SCGB2B2: variants seen among roughly 807,000 people sequenced by gnomAD.
The protein encoded by SCGB2B2 is secretoglobin family 2B member 2.
Under a neutral mutation model 7.6 loss-of-function variants are expected in SCGB2B2, and 11 were observed. The ratio of observed to expected loss-of-function variants is 1.45; its 90% CI spans 0.91 to 2.40. The LOEUF (loss-of-function observed/expected upper bound fraction) is 2.40. Ranked by LOEUF, SCGB2B2 falls within the 30% of genes most tolerant of loss-of-function variation. The pLI, the probability that SCGB2B2 is intolerant of heterozygous loss-of-function variation, is 0.00. For missense variants in SCGB2B2, 104 were observed against 115.4 expected (o/e 0.90, Z 0.45); for synonymous variants, 50 against 48.6 (o/e 1.03, Z -0.12).
chr19:34,612,495 C>CCAAT (rs2065959956), intron 1 of SCGB2B2, among the ~76,000 whole-genome samples: 1 of 152,042 alleles, frequency 6.6e-6, no homozygotes, highest in South Asian at 2.1e-4. Flanking sequence ...TACAAATAAC[C>CCAAT]CAATCATATT....
chr19:34,606,513 T>TTTC (rs146494492), intron 1 of SCGB2B2, among the ~76,000 whole-genome samples: 44,334 of 142,768 alleles, frequency 0.31, 7,352 homozygotes, highest in Middle Eastern at 0.45. Context: ...TTTCTTTTCT[T>TTTC]TTTCTTTTTT....
At chr19:34,626,423 G>A (rs1439906888) in intron 1 of SCGB2B2, among the ~76,000 whole-genome samples, 2 of 152,208 alleles carry the variant, frequency 1.3e-5, no homozygotes. Flanking sequence ...AGGACCTGAT[G>A]GAGCTGAAAA....
At chr19:34,666,304 CCA>C (rs1442447062) in intron 1 of SCGB2B2, among the ~76,000 whole-genome samples, 1 of 152,086 alleles carries the variant, frequency 6.6e-6, no homozygotes, top group African/African-American at 2.4e-5. Context: ...GACGCTTGTC[CCA>C]CACAGTCACA....
intron 1 of SCGB2B2, among the ~76,000 whole-genome samples, chr19:34,657,507 C>T (rs4281839): frequency 0.095 from 14,451 of 151,726 alleles, 883 homozygotes; most frequent in East Asian, 0.22. Context: ...ACAAAGAAGG[C>T]CACTACATAA....
chr19:34,652,587 C>A (rs911610699), intron 1 of SCGB2B2, among the ~76,000 whole-genome samples: 6 of 151,022 alleles, frequency 4.0e-5, no homozygotes, highest in African/African-American at 1.5e-4. Flanking sequence ...GCCATAGACA[C>A]CAACAGGTAT....
intron 1 of SCGB2B2, among the ~76,000 whole-genome samples, chr19:34,626,916 G>C (rs1335370908): frequency 6.6e-6 from 1 of 152,244 alleles, no homozygotes; most frequent in East Asian, 1.9e-4. Flanking sequence ...TCTCTCCGCA[G>C]AAACTCTACA....
At chr19:34,664,416 C>G (rs2067553371) in intron 1 of SCGB2B2, among the ~76,000 whole-genome samples, 1 of 152,198 alleles carries the variant, frequency 6.6e-6, no homozygotes. Flanking sequence ...TCAGACCTCA[C>G]CTTGGACAGC....
chr19:34,612,018 AATTCTTTTTTTTTT>A (rs1211269843), intron 1 of SCGB2B2, among the ~76,000 whole-genome samples: 1,557 of 78,664 alleles, frequency 0.02, 28 homozygotes, highest in South Asian at 0.031. Flanking sequence ...TGTTTTAGAA[AATTCTTTTTTTTTT>A]TTTTTTTTTT....
At chr19:34,643,057 G>C (rs563672053) in intron 1 of SCGB2B2, among the ~76,000 whole-genome samples, 1 of 152,142 alleles carries the variant, frequency 6.6e-6, no homozygotes, top group Admixed American at 6.5e-5. Context: ...CCCAGTACCG[G>C]TTATCTATCC....
At chr19:34,600,919 G>A (rs1243815918) in intron 1 of SCGB2B2, among the ~76,000 whole-genome samples, 1 of 16,650 alleles carries the variant, frequency 6.0e-5, no homozygotes, top group Non-Finnish European at 1.1e-4. Flanking sequence ...TCGGGGTGTG[G>A]TGTGTGTGTG....
In SCGB2B2 at chr19:34,658,854, A is replaced by C. The variant is rs141269228; in HGVS notation, c.-2032+16776T>G. ...AAAAAAAGAGAGAGAATTTTAGGCC[A>C]ATATCCCTGATGAACATCCATGCGA... On this transcript the variant is annotated intron_variant, in intron 1 of 3. Coordinates refer to ENST00000601241, the MANE Select transcript of SCGB2B2 (RefSeq NM_001025591.4). Among the ~76,000 whole-genome samples the C allele has an allele frequency of 5.5e-3, 833 of 150,954 alleles. 8 individuals carry two copies. Among genetic ancestry groups the C allele is most frequent in the African/African-American group, 0.018 (741 of 41,210 alleles).
chr19:34,587,607 A>G (rs1046558747), downstream of SCGB2B2, among the ~76,000 whole-genome samples: 67 of 152,174 alleles, frequency 4.4e-4, no homozygotes, highest in African/African-American at 1.6e-3. Flanking sequence ...GCCTTGTTCC[A>G]GATCTTGGAG....
chr19:34,642,739 A>AAAAAAAAT (rs1555747824), intron 1 of SCGB2B2, among the ~76,000 whole-genome samples: 4 of 148,380 alleles, frequency 2.7e-5, no homozygotes, highest in African/African-American at 4.9e-5. Flanking sequence ...AAAAAAAAAA[A>AAAAAAAAT]GTGGGCAAAG....
At chr19:34,629,030 C>T (rs2066456159) in intron 1 of SCGB2B2, among the ~76,000 whole-genome samples, 4 of 151,910 alleles carry the variant, frequency 2.6e-5, no homozygotes, top group Admixed American at 2.6e-4. Flanking sequence ...ACATGATTAT[C>T]TCAATAGATG....
chr19:34,659,789 T>C (rs2067399562), intron 1 of SCGB2B2, among the ~76,000 whole-genome samples: 1 of 152,184 alleles, frequency 6.6e-6, no homozygotes, highest in Non-Finnish European at 1.5e-5. Context: ...AAAAAACTAC[T>C]TTAAAGTTCA....
chr19:34,604,690 A>G (rs762107836), intron 1 of SCGB2B2, among the ~76,000 whole-genome samples: 24 of 152,158 alleles, frequency 1.6e-4, no homozygotes, highest in Non-Finnish European at 3.4e-4. Flanking sequence ...CTATTTTAAA[A>G]TCCTTTGAAA....
chr19:34,624,603 G>A (rs2066319583), intron 1 of SCGB2B2, among the ~76,000 whole-genome samples: 1 of 152,168 alleles, frequency 6.6e-6, no homozygotes. Flanking sequence ...AAGAAAGGAA[G>A]AAAATGTGAT....
At chr19:34,673,284 A>G (rs2067845962) in intron 1 of SCGB2B2, among the ~76,000 whole-genome samples, 1 of 152,146 alleles carries the variant, frequency 6.6e-6, no homozygotes, top group South Asian at 2.1e-4. Flanking sequence ...TGTTTAAATC[A>G]GACTTGCTTA....
At position 34,594,190 on chromosome 19, in the gene SCGB2B2, A is replaced by T; in HGVS notation, c.231T>A (p.Ala77=). 1 of 1,614,018 alleles carries T rather than the reference A, an allele frequency of 6.2e-7. No individual in the cohort carries two copies. Reference sequence around the variant, plus strand: ...GCACACTCACAATAACAACTGAATGAGCAAATCTTTCTGTCACGGAGACAT... The same window carrying T: ...GCACACTCACAATAACAACTGAATGTGCAAATCTTTCTGTCACGGAGACAT... ...FANVSVTERF[A]HSVVIKKILQ... Residue 77 remains alanine, a synonymous_variant, in exon 3 of 4, where the codon GCT becomes GCA. Coordinates refer to ENST00000601241, the MANE Select transcript of SCGB2B2 (RefSeq NM_001025591.4).
Sources: allele counts gnomAD v4.1 joint callset (sites outside exome capture counted in the v4.1 genomes callset), GRCh38; gene constraint gnomAD v4.1.1; transcripts MANE v1.5; gene names NCBI Gene and HGNC (gene_info 2026-07-23, HGNC 2026-07-21).